Variants in PHACTR3 observed in about 807,000 individuals in gnomAD.
PHACTR3 encodes the protein protein phosphatase 1, regulatory subunit 123.
PHACTR3 carries 16 observed loss-of-function variants against 66.8 expected under a neutral mutation model. The observed-to-expected ratio is 0.24, with a 90% confidence interval of 0.16 to 0.36. The LOEUF is 0.36. PHACTR3 is among the 10% of genes least tolerant of loss of function. The probability of loss-of-function intolerance (pLI) is 1.00; values close to 1 mark genes in which losing one functional copy is unlikely to be tolerated. For missense variants in PHACTR3, 647 were observed against 719.9 expected, an observed-to-expected ratio of 0.90 and a Z score of 1.16; for synonymous variants, 323 against 292.1, an observed-to-expected ratio of 1.11 and a Z score of -1.08.
intron 8 of PHACTR3, among the ~76,000 whole-genome samples, chr20:59,807,574 G>A (rs2041607542): frequency 6.6e-6 from 1 of 152,148 alleles, no homozygotes; most frequent in Non-Finnish European, 1.5e-5. Flanking sequence ...CAGTAACATA[G>A]TCCTTTCATA....
chr20:59,757,674 C>T (rs955508303), intron 4 of PHACTR3, among the ~76,000 whole-genome samples: 21 of 152,268 alleles, frequency 1.4e-4, no homozygotes, highest in African/African-American at 2.6e-4. Flanking sequence ...ATCCAGGGCC[C>T]GGTGAGGTGG....
intron 1 of PHACTR3, among the ~76,000 whole-genome samples, chr20:59,637,237 C>T (rs1354575909): frequency 6.6e-6 from 1 of 152,208 alleles, no homozygotes; most frequent in Non-Finnish European, 1.5e-5. Context: ...GGAGCTGGAG[C>T]CTCTGAGTCC....
chr20:59,753,462 G>A (rs2039673454), intron 3 of PHACTR3, among the ~76,000 whole-genome samples: 1 of 152,188 alleles, frequency 6.6e-6, no homozygotes, highest in Non-Finnish European at 1.5e-5. Flanking sequence ...GGTGTGGTGA[G>A]GACTCTGGAG....
intron 1 of PHACTR3, among the ~76,000 whole-genome samples, chr20:59,732,828 C>T (rs901111878): frequency 6.6e-6 from 1 of 152,182 alleles, no homozygotes; most frequent in Non-Finnish European, 1.5e-5. Context: ...CTGCCAGGCA[C>T]TGTGCTAGGT....
chr20:59,638,454 G>A (rs758130836), intron 1 of PHACTR3, among the ~76,000 whole-genome samples: 58 of 150,974 alleles, frequency 3.8e-4, no homozygotes, highest in Middle Eastern at 6.8e-3. Context: ...AGATATATGA[G>A]TGGATAGGTA....
intron 1 of PHACTR3, among the ~76,000 whole-genome samples, chr20:59,690,349 C>T (rs140357002): frequency 2.0e-3 from 300 of 152,366 alleles, no homozygotes; most frequent in African/African-American, 6.7e-3. Context: ...GGGCCCATCA[C>T]GTCATCCTGT....
chr20:59,802,542 G>A (rs1449674476), intron 7 of PHACTR3, among the ~76,000 whole-genome samples: 3 of 152,176 alleles, frequency 2.0e-5, no homozygotes, highest in Admixed American at 6.5e-5. Flanking sequence ...GCTCCACTGG[G>A]ATGGAAGATG....
intron 8 of PHACTR3, among the ~76,000 whole-genome samples, chr20:59,828,035 G>C (rs1195904365): frequency 6.6e-6 from 1 of 152,222 alleles, no homozygotes; most frequent in Non-Finnish European, 1.5e-5. Flanking sequence ...CACTCCCTTA[G>C]CAATGAAGAC....
chr20:59,773,313 G>A lies in PHACTR3; in HGVS notation c.786G>A (p.Lys262=), dbSNP rs759190191. ...QATLFQASSM[K]SADPSLRGQL... ...CACTCTTCCAAGCCTCCAGCATGAAGAGTGCCGACCCTTCCCTCCGGGGCC... is the reference window on the plus strand; with the variant it reads ...CACTCTTCCAAGCCTCCAGCATGAAAAGTGCCGACCCTTCCCTCCGGGGCC... The change falls in exon 6 of 13, where the codon AAG becomes AAA. Residue 262 remains lysine (K), a synonymous_variant. Coordinates refer to ENST00000371015, the MANE Select transcript of PHACTR3 (RefSeq NM_080672.5). 4 of 1,614,124 alleles carry A rather than the reference G, an allele frequency of 2.5e-6. No individual in the cohort carries two copies. The highest frequency in any genetic ancestry group is 1.7e-5 in the Admixed American group (1 of 60,016).
chr20:59,655,526 T>C (rs956369195), intron 1 of PHACTR3, among the ~76,000 whole-genome samples: 3 of 151,976 alleles, frequency 2.0e-5, no homozygotes, highest in African/African-American at 7.2e-5. Context: ...ATTTTAGTAA[T>C]TTGAGTCTTC....
intron 1 of PHACTR3, among the ~76,000 whole-genome samples, chr20:59,607,242 G>A (rs935706104): frequency 3.3e-5 from 5 of 152,130 alleles, no homozygotes; most frequent in African/African-American, 1.2e-4. Flanking sequence ...CAGTCCTGAT[G>A]GGATCTTCTC....
intron 1 of PHACTR3, among the ~76,000 whole-genome samples, chr20:59,645,221 C>CTTTTT (rs11470114): frequency 1.7e-5 from 2 of 120,576 alleles, no homozygotes; most frequent in Non-Finnish European, 3.4e-5. Context: ...GTTAGCAGAT[C>CTTTTT]TTTTTTTTTT....
At chr20:59,654,566 G>T (rs2146458691) in intron 1 of PHACTR3, among the ~76,000 whole-genome samples, 1 of 152,196 alleles carries the variant, frequency 6.6e-6, no homozygotes, top group East Asian at 1.9e-4. Flanking sequence ...ATAAACCACT[G>T]CCTCTAAAGG....
intron 1 of PHACTR3, among the ~76,000 whole-genome samples, chr20:59,587,458 G>A (rs559296576): frequency 6.6e-6 from 1 of 152,360 alleles, no homozygotes; most frequent in African/African-American, 2.4e-5. Flanking sequence ...CAGTGTTCAT[G>A]GCTGGTCAGG....
intron 6 of PHACTR3, 152 bp from the exon 7 acceptor site, chr20:59,774,091 A>G (rs1018950549): frequency 1.1e-5 from 10 of 901,964 alleles, no homozygotes; most frequent in Non-Finnish European, 1.3e-5. Context: ...TCAAATCCTC[A>G]TGCTCCTTCT....
intron 1 of PHACTR3, among the ~76,000 whole-genome samples, chr20:59,731,032 A>G (rs570374348): frequency 1.9e-4 from 29 of 152,312 alleles, no homozygotes; most frequent in African/African-American, 7.0e-4. Flanking sequence ...GAAAAATGCT[A>G]GAGTAGACAC....
intron 1 of PHACTR3, among the ~76,000 whole-genome samples, chr20:59,635,123 C>CTT (rs1448338434): frequency 1.9e-4 from 14 of 71,984 alleles, no homozygotes; most frequent in Non-Finnish European, 3.8e-4. Flanking sequence ...TTCTTTCTTT[C>CTT]TTTCTTTCTT....
chr20:59,697,966 T>A (rs556448431), intron 1 of PHACTR3, among the ~76,000 whole-genome samples: 66 of 152,206 alleles, frequency 4.3e-4, no homozygotes, highest in African/African-American at 1.4e-3. Context: ...TTTGGCAATA[T>A]CAAGTAAAAT....
At chr20:59,732,023 G>A (rs1050549663) in intron 1 of PHACTR3, among the ~76,000 whole-genome samples, 31 of 152,138 alleles carry the variant, frequency 2.0e-4, no homozygotes, top group African/African-American at 6.5e-4. Flanking sequence ...TGTAAATAGC[G>A]GTTGTCTGAT....
Sources: gnomAD v4.1 joint callset for allele counts (sites outside exome capture counted in the v4.1 genomes callset) on GRCh38, gnomAD v4.1.1 for gene constraint, MANE v1.5 for transcripts, NCBI Gene and HGNC (gene_info 2026-07-23, HGNC 2026-07-21) for gene names.